The following RARB variants were observed in gnomAD, a reference collection of about 807,000 sequenced individuals.
RARB encodes HBV-activated protein.
Under a neutral mutation model 51.9 loss-of-function variants are expected in RARB, and 17 were observed. That is an observed-to-expected ratio of 0.33 (90% CI 0.22 to 0.49). RARB has a LOEUF of 0.49. Among genes scored for constraint, RARB ranks in the 20% least tolerant of loss-of-function variants. The probability of loss-of-function intolerance (pLI) is 0.99; values close to 1 mark genes in which losing one functional copy is unlikely to be tolerated. For missense variants in RARB, 369 were observed against 550.8 expected (o/e 0.67, Z 3.30); for synonymous variants, 215 against 195.4 (o/e 1.10, Z -0.84).
At chr3:25,070,737 A>G (rs1219422986) in intron 3 of RARB, among the ~76,000 whole-genome samples, 2 of 152,202 alleles carry the variant, frequency 1.3e-5, no homozygotes, top group East Asian at 3.8e-4. Flanking sequence ...CCTGTTTTTT[A>G]TGGAGCTTAC....
chr3:24,998,618 GTC>G (rs1697093986), intron 2 of RARB, among the ~76,000 whole-genome samples: 2 of 152,118 alleles, frequency 1.3e-5, no homozygotes, highest in South Asian at 4.1e-4. Flanking sequence ...AAGGAGTTAT[GTC>G]TAGTTCAATA....
Position 25,041,523 on chromosome 3 carries a change from G to T in RARB, c.-379-18602G>T, listed in dbSNP as rs558168643. Among the ~76,000 whole-genome samples, 10 of 150,754 alleles carry T rather than the reference G, an allele frequency of 6.6e-5. No individual in the cohort carries two copies. In the South Asian group the frequency reaches 2.1e-3, roughly 31 times the overall value. ...AAGACATTAGGGAACATAGTTGAGA[G>T]GGAGGACATTTGGGAAAAAAAAAAA... On this transcript the variant is annotated intron_variant, in intron 2 of 11. Coordinates refer to the RARB transcript ENST00000383772.
chr3:25,457,254 C>G (rs980999829), intron 1 of RARB, among the ~76,000 whole-genome samples: 1 of 152,078 alleles, frequency 6.6e-6, no homozygotes, highest in African/African-American at 2.4e-5. Flanking sequence ...TTGGTTTATT[C>G]TCTATTAGGC....
chr3:25,068,133 C>CAAAAAAAAAAAAAAAAAAA (rs55826425), intron 3 of RARB, among the ~76,000 whole-genome samples: 1 of 33,250 alleles, frequency 3.0e-5, no homozygotes, highest in South Asian at 2.3e-3. Flanking sequence ...GACTCCATCT[C>CAAAAAAAAAAAAAAAAAAA]AAAAAAAAAA....
At chr3:24,932,924 A>AT (rs1575078360) in intron 2 of RARB, among the ~76,000 whole-genome samples, 1 of 152,108 alleles carries the variant, frequency 6.6e-6, no homozygotes, top group Admixed American at 6.6e-5. Context: ...AACCCATATA[A>AT]TTTATTTATG....
At chr3:25,129,622 T>C (rs1699913579) in intron 3 of RARB, among the ~76,000 whole-genome samples, 1 of 152,088 alleles carries the variant, frequency 6.6e-6, no homozygotes, top group Admixed American at 6.6e-5. Context: ...AGAGTATGAC[T>C]CATCTCTATC....
At chr3:25,574,406 C>T (rs576955132) in intron 4 of RARB, among the ~76,000 whole-genome samples, 71 of 152,268 alleles carry the variant, frequency 4.7e-4, no homozygotes, top group Middle Eastern at 3.4e-3. Context: ...GGAGTCGTGC[C>T]GAATGTGCAG....
chr3:24,943,035 C>A (rs906474008), intron 2 of RARB, among the ~76,000 whole-genome samples: 1 of 152,042 alleles, frequency 6.6e-6, no homozygotes, highest in African/African-American at 2.4e-5. Context: ...TACCACAATC[C>A]AAAGAAAGAC....
chr3:25,043,435 T>C (rs189389648), intron 2 of RARB, among the ~76,000 whole-genome samples: 71 of 152,346 alleles, frequency 4.7e-4, no homozygotes, highest in Admixed American at 1.9e-3. Context: ...CTGAGAATGG[T>C]CAGAGGGGAT....
Position 25,554,654 on chromosome 3 carries a change from C to A in RARB, c.449-15104C>A, listed in dbSNP as rs139862090. Among the ~76,000 whole-genome samples the A allele has an allele frequency of 8.9e-4, 135 of 152,270 alleles. 2 individuals are homozygous for A. Among genetic ancestry groups the A allele is most frequent in the African/African-American group, 2.8e-3 (117 of 41,556 alleles). The stretch of plus-strand genomic sequence containing the variant: ...ACACCTCCAGTAACCCTCACAGTGC[C>A]GGGCACAGAGTTGCATAGGTTCGGC... On this transcript the variant is annotated intron_variant, in intron 3 of 7. Coordinates refer to ENST00000330688, the MANE Select transcript of RARB (RefSeq NM_000965.5).
intron 2 of RARB, among the ~76,000 whole-genome samples, chr3:24,989,149 A>C (rs1371179050): frequency 6.6e-6 from 1 of 152,168 alleles, no homozygotes; most frequent in Non-Finnish European, 1.5e-5. Context: ...TTTTTATATA[A>C]TTCTGCAGTG....
intron 4 of RARB, among the ~76,000 whole-genome samples, chr3:25,163,415 G>A (rs943464948): frequency 3.3e-5 from 5 of 150,678 alleles, no homozygotes; most frequent in African/African-American, 1.2e-4. Context: ...TGAGGCAGGA[G>A]GATTGCTTGA....
chr3:25,335,098 C>T (rs1264496015), intron 5 of RARB, among the ~76,000 whole-genome samples: 1 of 152,176 alleles, frequency 6.6e-6, no homozygotes, highest in African/African-American at 2.4e-5. Context: ...CCCTGGGCAA[C>T]TTCTCTCTGC....
At chr3:25,165,344 C>T (rs1382314131) in intron 4 of RARB, among the ~76,000 whole-genome samples, 2 of 152,106 alleles carry the variant, frequency 1.3e-5, no homozygotes, top group East Asian at 1.9e-4. Flanking sequence ...ATTTCCATTT[C>T]TATGCCAGTC....
intron 5 of RARB, among the ~76,000 whole-genome samples, chr3:25,266,956 C>T (rs1426199510): frequency 6.6e-6 from 1 of 152,130 alleles, no homozygotes; most frequent in Non-Finnish European, 1.5e-5. Flanking sequence ...ATGTGGCAGC[C>T]CAAGCAGACT....
intron 5 of RARB, among the ~76,000 whole-genome samples, chr3:25,421,751 C>A (rs977387240): frequency 6.6e-6 from 1 of 152,238 alleles, no homozygotes; most frequent in East Asian, 1.9e-4. Context: ...TTAATCTTTA[C>A]CACAACTCTT....
chr3:25,563,913 C>G (rs1319930949), intron 3 of RARB, among the ~76,000 whole-genome samples: 2 of 148,328 alleles, frequency 1.3e-5, no homozygotes, highest in African/African-American at 2.5e-5. Context: ...ATATAGAGAA[C>G]TTTATGGACA....
chr3:25,336,627 C>G (rs978917249), intron 5 of RARB, among the ~76,000 whole-genome samples: 1 of 152,060 alleles, frequency 6.6e-6, no homozygotes, highest in Non-Finnish European at 1.5e-5. Flanking sequence ...TCCTCTCTGC[C>G]CAACAACATA....
intron 4 of RARB, among the ~76,000 whole-genome samples, chr3:25,154,605 C>T (rs554476068): frequency 5.9e-5 from 9 of 152,338 alleles, no homozygotes; most frequent in South Asian, 4.1e-4. Context: ...TCAGACCTTC[C>T]AATGACTCAC....
Sources: gnomAD v4.1 joint callset for allele counts (sites outside exome capture counted in the v4.1 genomes callset) on GRCh38, gnomAD v4.1.1 for gene constraint, MANE v1.5 for transcripts, NCBI Gene and HGNC (gene_info 2026-07-23, HGNC 2026-07-21) for gene names.